The following KIAA0825 variants were observed in gnomAD, a reference collection of about 807,000 sequenced individuals.
KIAA0825 encodes KIAA0825, also known as uncharacterized protein KIAA0825.
Under a neutral mutation model 147.6 loss-of-function variants are expected in KIAA0825, and 119 were observed. The observed-to-expected ratio is 0.81, with a 90% CI of 0.69 to 0.94. KIAA0825 has a LOEUF of 0.94. Ranked by LOEUF, KIAA0825 falls within the 40% of genes least tolerant of loss-of-function variation. The pLI is 0.00. For missense variants in KIAA0825, 1,381 were observed against 1,472.7 expected (o/e 0.94, Z 1.02); for synonymous variants, 470 against 518.1 (o/e 0.91, Z 1.26).
intron 20 of KIAA0825, among the ~76,000 whole-genome samples, chr5:94,324,672 A>G (rs1780513113): frequency 6.6e-6 from 1 of 151,958 alleles, no homozygotes; most frequent in Non-Finnish European, 1.5e-5. Context: ...TTGAGAAATT[A>G]TGTACATGAT....
chr5:94,570,778 A>G (rs1252801254), intron 2 of KIAA0825: 4 of 152,340 alleles, frequency 2.6e-5, no homozygotes, highest in Admixed American at 2.0e-4. Flanking sequence ...CTTCACCATC[A>G]GCACCCAAAG....
intron 20 of KIAA0825, among the ~76,000 whole-genome samples, chr5:94,192,425 T>C (rs1268756665): frequency 6.6e-6 from 1 of 152,234 alleles, no homozygotes; most frequent in Non-Finnish European, 1.5e-5. Context: ...TTATAACCTC[T>C]ATTTCTGATA....
In KIAA0825 at chr5:94,191,657, G is replaced by C. The variant is rs182446549; in HGVS notation, c.3711-37533C>G. On this transcript the variant is annotated intron_variant, in intron 20 of 20. Coordinates refer to ENST00000682413, the MANE Select transcript of KIAA0825 (RefSeq NM_001145678.3). ...AAGATCCAATTAATTGTAAGTTTTT[G>C]TAAGAATTAAAGCCTAATTACTCTA... is the stretch of plus-strand genomic sequence containing the variant. Among the ~76,000 whole-genome samples, 191 of 152,292 alleles carry C rather than the reference G, an allele frequency of 1.3e-3. 3 individuals carry two copies. The highest frequency in any genetic ancestry group is 8.8e-3 in the Admixed American group (134 of 15,294).
chr5:94,468,714 A>T (rs1194235194), intron 10 of KIAA0825, among the ~76,000 whole-genome samples: 5 of 151,310 alleles, frequency 3.3e-5, no homozygotes, highest in Non-Finnish European at 7.4e-5. Context: ...TTATGATAAT[A>T]ACTCGGGCAT....
intron 20 of KIAA0825, among the ~76,000 whole-genome samples, chr5:94,245,083 T>C (rs1295950754): frequency 6.6e-6 from 1 of 152,194 alleles, no homozygotes; most frequent in Non-Finnish European, 1.5e-5. Context: ...TGGTATCTTA[T>C]CTTCTTCACA....
In KIAA0825 at chr5:94,310,600, C is replaced by A. The variant is rs79694192; in HGVS notation, c.3710+73768G>T. On this transcript the variant is annotated intron_variant, in intron 20 of 20. Transcript: ENST00000682413. The stretch of plus-strand genomic sequence containing the variant: ...ACATAATCAACTATTAAGCATACCA[C>A]AATAAATAATGTGAACATAAAAGGA... Among the ~76,000 whole-genome samples, 1,304 of 151,578 alleles carry A rather than the reference C, an allele frequency of 8.6e-3. 16 individuals carry two copies. Among genetic ancestry groups the A allele is most frequent in the African/African-American group, 0.03 (1,225 of 41,440 alleles).
chr5:94,243,121 A>T (rs907605752), intron 20 of KIAA0825, among the ~76,000 whole-genome samples: 1 of 152,154 alleles, frequency 6.6e-6, no homozygotes, highest in Non-Finnish European at 1.5e-5. Context: ...TTATCACCCC[A>T]TGGGTTGTGA....
Position 94,429,968 on chromosome 5 carries a change from TCAGGCTGGTTGA to T in KIAA0825, c.2497+10002_2497+10013del, listed in dbSNP as rs1755445399. ...GAATCTGCACAGGAAGGGTGGTAAGTCAGGCTGGTTGATCCAGATGAGTGGTGCTCTGAAAGC... is the reference window on the plus strand; with the variant it reads ...GAATCTGCACAGGAAGGGTGGTAAGTTCCAGATGAGTGGTGCTCTGAAAGC... On this transcript the variant is annotated intron_variant, in intron 14 of 20. Transcript: ENST00000682413. Among the ~76,000 whole-genome samples, 3 of 152,098 alleles carry T rather than the reference TCAGGCTGGTTGA, an allele frequency of 2.0e-5. No individual in the cohort carries two copies. In the South Asian group the frequency reaches 6.2e-4, roughly 32 times the overall value.
At chr5:94,232,505 C>T (rs1216175457) in intron 20 of KIAA0825, among the ~76,000 whole-genome samples, 2 of 137,990 alleles carry the variant, frequency 1.4e-5, no homozygotes, top group Non-Finnish European at 1.6e-5. Flanking sequence ...GCATGGCATT[C>T]CCTAACTGAT....
chr5:94,279,066 T>C (rs1046855045), intron 20 of KIAA0825, among the ~76,000 whole-genome samples: 1 of 152,094 alleles, frequency 6.6e-6, no homozygotes, highest in Non-Finnish European at 1.5e-5. Context: ...AAGGCAGGTG[T>C]TGTAAAGCAC....
At chr5:94,273,878 G>C (rs1777097214) in intron 20 of KIAA0825, among the ~76,000 whole-genome samples, 2 of 151,886 alleles carry the variant, frequency 1.3e-5, no homozygotes, top group African/African-American at 4.8e-5. Context: ...AAAAGAGCAG[G>C]ATTAAATTCA....
At chr5:94,532,933 A>G (rs1300793903) in intron 3 of KIAA0825, among the ~76,000 whole-genome samples, 1 of 151,658 alleles carries the variant, frequency 6.6e-6, no homozygotes, top group African/African-American at 2.4e-5. Flanking sequence ...TTAAGATACA[A>G]TTATATTTAT....
chr5:94,300,366 A>G (rs1250328238), intron 20 of KIAA0825, among the ~76,000 whole-genome samples: 2 of 152,074 alleles, frequency 1.3e-5, no homozygotes, highest in Admixed American at 6.6e-5. Context: ...TAAAATTGTA[A>G]TTCAGTCTTA....
At chr5:94,592,817 G>A (rs979732703) in intron 1 of KIAA0825, 5 of 465,600 alleles carry the variant, frequency 1.1e-5, no homozygotes, top group African/African-American at 6.1e-5. Flanking sequence ...AATATGCTTC[G>A]GCTAAGAGCT....
chr5:94,451,750 A>G (rs966084649), intron 13 of KIAA0825, among the ~76,000 whole-genome samples: 1 of 152,238 alleles, frequency 6.6e-6, no homozygotes, highest in Non-Finnish European at 1.5e-5. Flanking sequence ...CTAAAAGAGA[A>G]TAACTCCAGT....
intron 2 of KIAA0825, chr5:94,569,626 A>G (rs1279957156): frequency 1.6e-5 from 6 of 364,014 alleles, no homozygotes; most frequent in Admixed American, 9.6e-5. Flanking sequence ...ACATCTCCAC[A>G]TGATGAAACC....
At chr5:94,261,099 C>A (rs1425342612) in intron 20 of KIAA0825, among the ~76,000 whole-genome samples, 1 of 151,806 alleles carries the variant, frequency 6.6e-6, no homozygotes, top group African/African-American at 2.4e-5. Flanking sequence ...CCCAGGAGTT[C>A]GAGACCAGAC....
intron 20 of KIAA0825, among the ~76,000 whole-genome samples, chr5:94,259,741 A>G (rs1199098081): frequency 6.6e-6 from 1 of 152,000 alleles, no homozygotes; most frequent in Admixed American, 6.6e-5. Context: ...TTCATTTTTA[A>G]TAGTTTTTTG....
intron 20 of KIAA0825, among the ~76,000 whole-genome samples, chr5:94,305,009 C>A (rs1010598087): frequency 6.6e-6 from 1 of 151,868 alleles, no homozygotes; most frequent in Non-Finnish European, 1.5e-5. Flanking sequence ...TTAAAACATA[C>A]CTTTAAAAAA....
Sources: allele counts gnomAD v4.1 joint callset (sites outside exome capture counted in the v4.1 genomes callset), GRCh38; gene constraint gnomAD v4.1.1; transcripts MANE v1.5; gene names NCBI Gene and HGNC (gene_info 2026-07-23, HGNC 2026-07-21).